CHRNB3: variants seen among roughly 807,000 people sequenced by gnomAD.
CHRNB3 encodes the protein neuronal acetylcholine receptor subunit beta-3.
Under a neutral mutation model 40.6 loss-of-function variants are expected in CHRNB3, and 37 were observed. The ratio of observed to expected loss-of-function variants is 0.91; its 90% CI spans 0.70 to 1.20. The LOEUF (loss-of-function observed/expected upper bound fraction) is 1.20, where lower values mean the gene tolerates loss of function less well. Among genes scored for constraint, CHRNB3 ranks in the 50% most tolerant of loss-of-function variants. The probability of loss-of-function intolerance (pLI) is 0.00; values close to 1 mark genes in which losing one functional copy is unlikely to be tolerated. For synonymous variants in CHRNB3, 207 were observed against 207.1 expected (o/e 1.00, Z 0.00); for missense variants, 505 against 551.2 (o/e 0.92, Z 0.84).
chr8:42,701,874 T>C (rs139967913), intron 1 of CHRNB3, among the ~76,000 whole-genome samples: 2,194 of 152,302 alleles, frequency 0.014, 47 homozygotes, highest in African/African-American at 0.05. Flanking sequence ...GGATGTTTCA[T>C]AGACACAAAG....
At position 42,737,377 on chromosome 8, in the gene CHRNB3, T is replaced by C. The variant is rs1441396996; in HGVS notation, c.*759T>C. The stretch of plus-strand genomic sequence containing the variant: ...CCAGAAGTGGATTCATTAATACCCA[T>C]TATCTTTTCCTAGTAAACTAGTGTA... On this transcript the variant is annotated 3_prime_UTR_variant, in exon 6 of 6. Coordinates refer to ENST00000289957, the MANE Select transcript of CHRNB3 (RefSeq NM_000749.5). 1 of 152,240 alleles carries C rather than the reference T, an allele frequency of 6.6e-6. No homozygotes were observed. Among genetic ancestry groups the C allele is most frequent in the African/African-American group, 2.4e-5 (1 of 41,454 alleles). 9.4% of individuals were successfully genotyped at this position (152,240 alleles called of 1,614,324 possible).
chr8:42,733,173 T>A (rs1241183874), intron 5 of CHRNB3, among the ~76,000 whole-genome samples: 1 of 151,672 alleles, frequency 6.6e-6, no homozygotes, highest in African/African-American at 2.4e-5. Context: ...CTACAAAAAA[T>A]TTAAAAATTA....
At chr8:42,725,812 T>G in intron 3 of CHRNB3, 2 of 853,740 alleles carry the variant, frequency 2.3e-6, no homozygotes, top group Non-Finnish European at 4.0e-6. Context: ...TGGAAATCCC[T>G]AGGTCACATA....
chr8:42,724,626 CA>C (rs1006965034), intron 3 of CHRNB3, among the ~76,000 whole-genome samples: 3 of 152,120 alleles, frequency 2.0e-5, no homozygotes, highest in African/African-American at 7.2e-5. Context: ...TGCAGCAAAG[CA>C]GGACTCCTTC....
intron 1 of CHRNB3, 105 bp from the exon 2 acceptor site, chr8:42,708,612 A>T: frequency 7.7e-7 from 1 of 1,292,504 alleles, no homozygotes; most frequent in Non-Finnish European, 1.1e-6. Flanking sequence ...TTAGAAACAG[A>T]CACAGCCTAT....
At position 42,719,157 on chromosome 8, in the gene CHRNB3, C is replaced by T. The variant is rs527761572; in HGVS notation, c.249+8723C>T. The stretch of plus-strand genomic sequence containing the variant: ...TAATCCCCAGATGCCACCAGGGTTT[C>T]AGAGAGAACAAAGAAGTGACCAGAA... On this transcript the variant is annotated intron_variant, in intron 3 of 5. Coordinates refer to ENST00000289957, the MANE Select transcript of CHRNB3 (RefSeq NM_000749.5). Among the ~76,000 whole-genome samples, 9 of 152,276 alleles carry T rather than the reference C, an allele frequency of 5.9e-5. No homozygotes were observed. In the East Asian group the frequency reaches 1.7e-3, roughly 29 times the overall value.
At chr8:42,716,156 C>A (rs116893628) in intron 3 of CHRNB3, among the ~76,000 whole-genome samples, 8,601 of 151,724 alleles carry the variant, frequency 0.057, 322 homozygotes, top group Middle Eastern at 0.11. Context: ...TTGTATTTTT[C>A]GTAGAGACGA....
intron 3 of CHRNB3, among the ~76,000 whole-genome samples, chr8:42,723,198 T>C (rs1319553209): frequency 1.3e-5 from 2 of 152,144 alleles, no homozygotes; most frequent in Non-Finnish European, 2.9e-5. Context: ...AGCAATAAGA[T>C]ATCGTATTAC....
chr8:42,730,473 C>T (rs934302627), intron 3 of CHRNB3, 121 bp from the exon 4 acceptor site: 13 of 619,850 alleles, frequency 2.1e-5, no homozygotes, highest in Admixed American at 3.2e-5. Flanking sequence ...GCAGTCCAAC[C>T]GGGACAATTT....
At chr8:42,717,373 CAAAAAAAAAAAAA>C (rs1169333899) in intron 3 of CHRNB3, among the ~76,000 whole-genome samples, 160 of 11,200 alleles carry the variant, frequency 0.014, 14 homozygotes, top group African/African-American at 0.036. Flanking sequence ...GACTCCGTCT[CAAAAAAAAAAAAA>C]AAAAAAAAAA....
intron 3 of CHRNB3, 119 bp from the exon 4 acceptor site, chr8:42,730,475 G>A (rs1816387330): frequency 6.3e-6 from 4 of 630,804 alleles, no homozygotes; most frequent in South Asian, 2.6e-5. Flanking sequence ...AGTCCAACCG[G>A]GACAATTTCC....
intron 4 of CHRNB3, among the ~76,000 whole-genome samples, chr8:42,731,033 C>A (rs574760484): frequency 7.6e-6 from 1 of 130,766 alleles, no homozygotes; most frequent in Admixed American, 7.4e-5. Flanking sequence ...CCGGCCTGGG[C>A]GACAGAGCGA....
chr8:42,732,172 T>A lies in CHRNB3; in HGVS notation c.865T>A (p.Ser289Thr), dbSNP rs745784162. The A allele has an allele frequency of 1.2e-6, 2 of 1,609,600 alleles. No individual in the cohort carries two copies. The highest frequency in any genetic ancestry group is 1.7e-6 in the Non-Finnish European group (2 of 1,178,518). ...AGTGATTGAAGAAATCATCCCATCG[T>A]CTTCCAAAGTCATTCCTCTCATTGG... ...LLVIEEIIPSSSKVIPLIGEY... is the reference protein window; with the variant it reads ...LLVIEEIIPSTSKVIPLIGEY... Residue 289 changes from serine (S) to threonine (T), a missense_variant, in exon 5 of 6, where the codon TCT (serine) becomes ACT (threonine). By Grantham distance (58) the Ser-to-Thr change is moderately conservative. Coordinates refer to ENST00000289957, the MANE Select transcript of CHRNB3 (RefSeq NM_000749.5).
intron 3 of CHRNB3, chr8:42,725,399 CTT>C: frequency 1.9e-6 from 1 of 519,318 alleles, no homozygotes; most frequent in East Asian, 3.7e-5. Context: ...CAGCTACTGT[CTT>C]TTCTTTGACC....
chr8:42,722,100 G>A (rs1163387919), intron 3 of CHRNB3, among the ~76,000 whole-genome samples: 5 of 152,050 alleles, frequency 3.3e-5, no homozygotes, highest in Non-Finnish European at 7.4e-5. Context: ...GTGGCCAGGC[G>A]TGGTGGCTCA....
intron 3 of CHRNB3, among the ~76,000 whole-genome samples, chr8:42,719,871 C>A (rs1272616833): frequency 1.3e-5 from 2 of 152,070 alleles, no homozygotes; most frequent in Non-Finnish European, 2.9e-5. Flanking sequence ...GTCCAGTGTG[C>A]TTTCTCTTTT....
At chr8:42,699,745 A>G (rs1199030662) in intron 1 of CHRNB3, among the ~76,000 whole-genome samples, 1 of 152,194 alleles carries the variant, frequency 6.6e-6, no homozygotes, top group Non-Finnish European at 1.5e-5. Context: ...AGCTTGGGCA[A>G]CAAGAGCGAA....
chr8:42,725,074 C>CT (rs899042930), intron 3 of CHRNB3, among the ~76,000 whole-genome samples: 1 of 149,320 alleles, frequency 6.7e-6, no homozygotes, highest in South Asian at 2.1e-4. Flanking sequence ...ACTGTCTTTT[C>CT]TTTTTTCTTT....
At chr8:42,718,396 G>A (rs371868629) in intron 3 of CHRNB3, among the ~76,000 whole-genome samples, 5 of 152,144 alleles carry the variant, frequency 3.3e-5, no homozygotes, top group Non-Finnish European at 5.9e-5. Context: ...GGACTTGGCC[G>A]AGCATGGTGG....
Sources: allele counts gnomAD v4.1 joint callset (sites outside exome capture counted in the v4.1 genomes callset), GRCh38; gene constraint gnomAD v4.1.1; transcripts MANE v1.5; gene names NCBI Gene and HGNC (gene_info 2026-07-23, HGNC 2026-07-21).